The following DCUN1D2 variants were observed in gnomAD, a reference collection of about 807,000 sequenced individuals.
DCUN1D2 encodes the protein DCN1-like protein 2.
In DCUN1D2, 29 loss-of-function variants were observed where a neutral mutation model predicts 30.9. The observed-to-expected ratio is 0.94, with a 90% CI of 0.70 to 1.28. DCUN1D2 has a LOEUF of 1.28. Among genes scored for constraint, DCUN1D2 ranks in the 50% most tolerant of loss-of-function variants. DCUN1D2 has a pLI of 0.00. For synonymous variants in DCUN1D2, 121 were observed against 115.3 expected (o/e 1.05, Z -0.32); for missense variants, 325 against 316.9 (o/e 1.03, Z -0.19).
intron 3 of DCUN1D2, among the ~76,000 whole-genome samples, chr13:113,479,494 C>T (rs2044670969): frequency 6.6e-6 from 1 of 152,176 alleles, no homozygotes; most frequent in Non-Finnish European, 1.5e-5. Flanking sequence ...TGGCTCCCGC[C>T]TGTAATCCCA....
At chr13:113,474,079 C>T in intron 4 of DCUN1D2, 45 bp downstream of exon 4, 3 of 1,593,104 alleles carry the variant, frequency 1.9e-6, no homozygotes, top group Admixed American at 3.4e-5. Context: ...CCACTGAAAA[C>T]CTCATTATGA....
chr13:113,484,068 A>C lies in DCUN1D2; in HGVS notation c.4-12T>G. 3.1e-6 allele frequency: 5 copies of C among 1,612,766 alleles called. No homozygotes were observed. Among genetic ancestry groups the C allele is most frequent in the Non-Finnish European group, 4.2e-6 (5 of 1,179,892 alleles). On this transcript the variant is annotated splice_polypyrimidine_tract_variant and intron_variant, in intron 1 of 6. Coordinates refer to ENST00000478244, the MANE Select transcript of DCUN1D2 (RefSeq NM_001014283.2). ...GATTTAAGCTTATGCTTTGGGATGC[A>C]AAAGAAGTAGGAAAGCCAATGAAGC...
intron 4 of DCUN1D2, among the ~76,000 whole-genome samples, chr13:113,468,006 T>C (rs1196981460): frequency 4.4e-5 from 6 of 137,572 alleles, no homozygotes; most frequent in Non-Finnish European, 7.5e-5. Flanking sequence ...ATCACACCAC[T>C]GCACTCCAGC....
intron 4 of DCUN1D2, among the ~76,000 whole-genome samples, 181 bp downstream of exon 4, chr13:113,473,943 T>G (rs554489966): frequency 6.6e-6 from 1 of 152,170 alleles, no homozygotes; most frequent in African/African-American, 2.4e-5. Context: ...AGATTGAGGC[T>G]GCAGTGAGCT....
intron 3 of DCUN1D2, among the ~76,000 whole-genome samples, chr13:113,478,513 A>G (rs913287892): frequency 2.0e-5 from 3 of 152,086 alleles, no homozygotes; most frequent in Admixed American, 2.0e-4. Flanking sequence ...TGCTTCTTTA[A>G]AAATATTAAT....
intron 4 of DCUN1D2, among the ~76,000 whole-genome samples, chr13:113,469,488 C>G (rs1452562155): frequency 3.3e-5 from 5 of 151,772 alleles, no homozygotes; most frequent in Non-Finnish European, 7.4e-5. Context: ...GAGACCAGCC[C>G]GGGCAACACA....
upstream of DCUN1D2, chr13:113,491,380 T>TC (rs2045027128): frequency 6.7e-6 from 1 of 148,204 alleles, no homozygotes; most frequent in African/African-American, 2.5e-5. Context: ...TCACCTTCCC[T>TC]TCTTCCCTTC....
chr13:113,484,616 T>C (rs1304944575), intron 1 of DCUN1D2, among the ~76,000 whole-genome samples: 1 of 152,050 alleles, frequency 6.6e-6, no homozygotes, highest in Non-Finnish European at 1.5e-5. Flanking sequence ...TATGATTAAA[T>C]GGAAACAATA....
intron 1 of DCUN1D2, among the ~76,000 whole-genome samples, chr13:113,486,338 G>A (rs1320037967): frequency 2.0e-5 from 3 of 152,116 alleles, no homozygotes; most frequent in Non-Finnish European, 2.9e-5. Flanking sequence ...ACAGACACCA[G>A]GGCCTGCTTG....
intron 5 of DCUN1D2, 70 bp downstream of exon 5, chr13:113,460,984 T>C (rs1595566260): frequency 1.1e-6 from 1 of 943,130 alleles, no homozygotes; most frequent in East Asian, 2.5e-5. Flanking sequence ...GGTGGATGAT[T>C]ACATGCAGCC....
At chr13:113,469,144 G>GCGCACA (rs2044460483) in intron 4 of DCUN1D2, among the ~76,000 whole-genome samples, 1 of 148,066 alleles carries the variant, frequency 6.8e-6, no homozygotes, top group South Asian at 2.2e-4. Context: ...CTACACGCCT[G>GCGCACA]CACACACACA....
At chr13:113,472,586 C>G (rs117243032) in intron 4 of DCUN1D2, among the ~76,000 whole-genome samples, 1 of 152,180 alleles carries the variant, frequency 6.6e-6, no homozygotes, top group Non-Finnish European at 1.5e-5. Context: ...CACTCGCCCC[C>G]GAGGTCATCC....
In DCUN1D2 at chr13:113,456,550, A is replaced by AG. The variant is rs2044229155; in HGVS notation, c.*1478dup. ...TGGTCCACGTCCTGCACAGTGCTGC[A>AG]GGGGGGCAGCAAGGCACGCCTGTGA... On this transcript the variant is annotated 3_prime_UTR_variant, in exon 7 of 7. Transcript: ENST00000478244. The AG allele has an allele frequency of 1.3e-5, 5 of 396,416 alleles. No homozygotes were observed. The highest frequency in any genetic ancestry group is 1.8e-5 in the Non-Finnish European group (4 of 225,068). 24.6% of individuals were successfully genotyped at this position (396,416 alleles called of 1,614,324 possible).
intron 3 of DCUN1D2, among the ~76,000 whole-genome samples, chr13:113,480,213 T>C (rs1311748185): frequency 6.6e-6 from 1 of 152,230 alleles, no homozygotes; most frequent in Non-Finnish European, 1.5e-5. Context: ...TCTTAGTTTT[T>C]AACAGAGCAG....
At chr13:113,460,135 G>T (rs1045394899) in intron 5 of DCUN1D2, among the ~76,000 whole-genome samples, 2 of 152,222 alleles carry the variant, frequency 1.3e-5, no homozygotes. Flanking sequence ...ATGATGTAAT[G>T]AAACACATAG....
At chr13:113,472,333 TG>T (rs1807477297) in intron 4 of DCUN1D2, among the ~76,000 whole-genome samples, 1 of 152,164 alleles carries the variant, frequency 6.6e-6, no homozygotes, top group Non-Finnish European at 1.5e-5. Flanking sequence ...ACGACGACTC[TG>T]AATGAGCACC....
At chr13:113,472,652 T>A (rs987854355) in intron 4 of DCUN1D2, among the ~76,000 whole-genome samples, 3 of 152,110 alleles carry the variant, frequency 2.0e-5, no homozygotes, top group Non-Finnish European at 4.4e-5. Flanking sequence ...CAGAAAGACT[T>A]CCTTCTGGGA....
chr13:113,459,274 G>T, intron 6 of DCUN1D2, 38 bp downstream of exon 6: 1 of 1,119,976 alleles, frequency 8.9e-7, no homozygotes, highest in Non-Finnish European at 1.4e-6. Flanking sequence ...TCAGGTGTAA[G>T]CATTTCGGTC....
chr13:113,489,119 G>C (rs942278492), intron 1 of DCUN1D2: 27 of 985,356 alleles, frequency 2.7e-5, no homozygotes, highest in Non-Finnish European at 3.3e-5. Context: ...CATGTTGATC[G>C]AATAAACTAC....
Sources: gnomAD v4.1 joint callset for allele counts (sites outside exome capture counted in the v4.1 genomes callset) on GRCh38, gnomAD v4.1.1 for gene constraint, MANE v1.5 for transcripts, NCBI Gene and HGNC (gene_info 2026-07-23, HGNC 2026-07-21) for gene names.